The following NAPB variants were observed in gnomAD, a reference collection of about 807,000 sequenced individuals.
NAPB encodes beta-soluble NSF attachment protein.
A neutral mutation model predicts 44.7 loss-of-function variants in NAPB; 26 were observed. The observed-to-expected ratio is 0.58, with a 90% CI of 0.43 to 0.81. The LOEUF is 0.81. Among genes scored for constraint, NAPB ranks in the 30% least tolerant of loss-of-function variants. The pLI, the probability that NAPB is intolerant of heterozygous loss-of-function variation, is 0.00. For missense variants in NAPB, 315 were observed against 356.4 expected (o/e 0.88, Z 0.94); for synonymous variants, 120 against 116.8 (o/e 1.03, Z -0.18).
chr20:23,381,993 T>C (rs1277046339), intron 7 of NAPB, among the ~76,000 whole-genome samples: 2 of 152,094 alleles, frequency 1.3e-5, no homozygotes, highest in African/African-American at 4.8e-5. Context: ...TGAGGCTTGA[T>C]CCCCACCCAA....
chr20:23,408,865 T>C (rs998451043), intron 1 of NAPB, among the ~76,000 whole-genome samples: 3 of 152,210 alleles, frequency 2.0e-5, no homozygotes, highest in Admixed American at 2.0e-4. Context: ...AAAATCAAAC[T>C]GTACCCCATC....
At position 23,381,233 on chromosome 20, in the gene NAPB, C is replaced by T. The variant is rs1287346874; in HGVS notation, c.646G>A (p.Val216Ile). The change falls in exon 8 of 11, where the codon GTA becomes ATA. Residue 216 changes from valine (V) to isoleucine (I), a missense_variant. Coordinates refer to ENST00000377026, the MANE Select transcript of NAPB (RefSeq NM_022080.3). Reference protein sequence around the residue: ...FFKAALCHFIVDELNAKLALE... With the variant: ...FFKAALCHFIIDELNAKLALE... ...CTTACCTTGGCATTCAACTCGTCTA[C>T]TATGAAGTGGCAGAGGGCAGCTTTG... 1.2e-6 allele frequency: 2 copies of T among 1,613,462 alleles called. No homozygotes were observed. The highest frequency in any genetic ancestry group is 8.5e-7 in the Non-Finnish European group (1 of 1,179,584).
intron 1 of NAPB, among the ~76,000 whole-genome samples, chr20:23,406,639 TA>T (rs1164429258): frequency 1.3e-5 from 2 of 150,778 alleles, no homozygotes; most frequent in Non-Finnish European, 3.0e-5. Flanking sequence ...ATCTACACAT[TA>T]AAAAAAAAGA....
At chr20:23,387,977 A>G (rs1324024219) in intron 7 of NAPB, among the ~76,000 whole-genome samples, 1 of 152,192 alleles carries the variant, frequency 6.6e-6, no homozygotes, top group Non-Finnish European at 1.5e-5. Flanking sequence ...GCCTCATCCA[A>G]TCTACTGAAA....
Position 23,421,456 on chromosome 20 carries a change from C to G in NAPB, c.-54G>C, listed in dbSNP as rs192010186. 5 of 1,477,526 alleles carry G rather than the reference C, an allele frequency of 3.4e-6. No homozygotes were observed. The highest frequency in any genetic ancestry group is 2.6e-5 in the East Asian group (1 of 37,940). The allele number at this position is 1,477,526 out of a possible 1,614,324, so 91.5% of individuals were successfully genotyped here. On this transcript the variant is annotated 5_prime_UTR_variant, in exon 1 of 11. Coordinates refer to ENST00000377026, the MANE Select transcript of NAPB (RefSeq NM_022080.3). The stretch of plus-strand genomic sequence containing the variant: ...TCAGCCGGCTCGCTGTGCGCCCAGG[C>G]GCCTTAACCCTCCCTCTGGCGGCCG...
chr20:23,415,324 G>A (rs759265894), intron 1 of NAPB, among the ~76,000 whole-genome samples: 31 of 152,122 alleles, frequency 2.0e-4, no homozygotes, highest in Non-Finnish European at 3.5e-4. Context: ...CGCTGGGCAC[G>A]GTGGCTCATG....
rs1371706725 is a variant in NAPB at position 23,412,441 on chromosome 20, G to A, written c.98+8864C>T. ...GAATTTGGGCTCAAAGGCTTTAAAT[G>A]AAATAAAGAAGTTCACTTCATAATG... On this transcript the variant is annotated intron_variant, in intron 1 of 10. Coordinates refer to ENST00000377026, the MANE Select transcript of NAPB (RefSeq NM_022080.3). Among the ~76,000 whole-genome samples the A allele has an allele frequency of 2.6e-5, 4 of 152,112 alleles. No homozygotes were observed. In the East Asian group the frequency reaches 7.7e-4, roughly 29 times the overall value.
intron 3 of NAPB, 68 bp from the exon 4 acceptor site, chr20:23,395,253 G>A: frequency 1.3e-6 from 2 of 1,545,772 alleles, no homozygotes; most frequent in South Asian, 2.3e-5. Context: ...AGGTGAGGCT[G>A]TCTTCCTGGC....
chr20:23,390,393 T>A (rs993932721), intron 5 of NAPB, 129 bp from the exon 6 acceptor site: 4 of 725,334 alleles, frequency 5.5e-6, no homozygotes, highest in Admixed American at 5.3e-5. Context: ...TCGGCCTACT[T>A]TCTTTAGGAA....
chr20:23,380,449 T>A (rs1982904708), intron 8 of NAPB, among the ~76,000 whole-genome samples: 2 of 152,210 alleles, frequency 1.3e-5, no homozygotes, highest in African/African-American at 4.8e-5. Flanking sequence ...ATTTCTGAGC[T>A]TGCCTGTTGT....
At chr20:23,416,402 A>G (rs1389285362) in intron 1 of NAPB, among the ~76,000 whole-genome samples, 1 of 152,198 alleles carries the variant, frequency 6.6e-6, no homozygotes, top group Non-Finnish European at 1.5e-5. Flanking sequence ...GCAACTGAAT[A>G]AGCATTCTGA....
intron 5 of NAPB, among the ~76,000 whole-genome samples, chr20:23,393,239 C>G (rs185004344): frequency 2.0e-5 from 3 of 152,048 alleles, no homozygotes; most frequent in Admixed American, 2.0e-4. Flanking sequence ...CTCACACACA[C>G]GTCAATGCAC....
At chr20:23,385,953 GA>G (rs778656335) in intron 7 of NAPB, among the ~76,000 whole-genome samples, 26 of 152,056 alleles carry the variant, frequency 1.7e-4, no homozygotes, top group Non-Finnish European at 3.2e-4. Context: ...TATAAGAATT[GA>G]AATCACGCAA....
intron 6 of NAPB, 23 bp downstream of exon 6, chr20:23,390,186 A>G (rs1453582595): frequency 1.3e-6 from 2 of 1,584,936 alleles, no homozygotes; most frequent in East Asian, 4.5e-5. Context: ...CCATTAAATC[A>G]TATTAAGAAA....
chr20:23,405,311 GAA>G (rs1985160590), intron 1 of NAPB, among the ~76,000 whole-genome samples: 1 of 140,202 alleles, frequency 7.1e-6, no homozygotes, highest in African/African-American at 2.5e-5. Context: ...GAGAGACAGA[GAA>G]AGAGAGAGAG....
At chr20:23,397,487 T>A (rs144690339) in intron 2 of NAPB, among the ~76,000 whole-genome samples, 54 of 152,350 alleles carry the variant, frequency 3.5e-4, no homozygotes, top group African/African-American at 1.1e-3. Flanking sequence ...CTTGGGCTAC[T>A]CAATTCAATT....
Position 23,397,158 on chromosome 20 carries a change from T to C in NAPB, c.209A>G (p.Lys70Arg), listed in dbSNP as rs1984427391. ...AAGNAFCQAA[K>R]LHMQLQSKHD... ...TTTGCTCTGAAGCTGCATGTGGAGC[T>C]TGGCTGCCTGACAAAATGCGTTTCC... The change falls in exon 3 of 11, where the codon AAG becomes AGG. Residue 70 changes from lysine (K) to arginine (R), a missense_variant. Around this residue, in one of 3 missense-constraint regions of NAPB, gnomAD observed 179 missense variants for 182.5 expected, o/e 0.98. Coordinates refer to ENST00000377026, the MANE Select transcript of NAPB (RefSeq NM_022080.3). 6.2e-7 allele frequency: 1 copy of C among 1,612,990 alleles called. No homozygotes were observed. The highest frequency in any genetic ancestry group is 1.3e-5 in the African/African-American group (1 of 75,034).
intron 5 of NAPB, among the ~76,000 whole-genome samples, chr20:23,391,536 G>C (rs1297384287): frequency 6.6e-6 from 1 of 152,140 alleles, no homozygotes; most frequent in East Asian, 1.9e-4. Context: ...CAAGAGATAA[G>C]TATGAGCAGC....
At chr20:23,417,790 C>T (rs756273681) in intron 1 of NAPB, among the ~76,000 whole-genome samples, 5 of 152,022 alleles carry the variant, frequency 3.3e-5, no homozygotes, top group Non-Finnish European at 5.9e-5. Context: ...CTTGTCAGCT[C>T]TTTTCCTGGG....
Sources: gnomAD v4.1 joint callset for allele counts (sites outside exome capture counted in the v4.1 genomes callset) on GRCh38, gnomAD v4.1.1 for gene constraint, gnomAD v4.1.1 regional missense constraint, MANE v1.5 for transcripts, NCBI Gene and HGNC (gene_info 2026-07-23, HGNC 2026-07-21) for gene names.